The following ODAD2 variants were observed in gnomAD, a reference collection of about 807,000 sequenced individuals.
The protein encoded by ODAD2 is outer dynein arm-docking complex subunit 2.
Under a neutral mutation model 106.8 loss-of-function variants are expected in ODAD2, and 89 were observed. That is an observed-to-expected ratio of 0.83 (90% CI 0.70 to 0.99). The LOEUF (loss-of-function observed/expected upper bound fraction) is 0.99. Among genes scored for constraint, ODAD2 ranks in the 50% least tolerant of loss-of-function variants. ODAD2 has a pLI of 0.00. For missense variants in ODAD2, 1,168 were observed against 1,238.5 expected (o/e 0.94, Z 0.85); for synonymous variants, 404 against 436.2 (o/e 0.93, Z 0.92).
chr10:27,971,621 G>A (rs770383472), intron 7 of ODAD2, among the ~76,000 whole-genome samples: 50 of 152,040 alleles, frequency 3.3e-4, no homozygotes, highest in Non-Finnish European at 6.0e-4. Flanking sequence ...AAAACACATC[G>A]TATTTAAATG....
At chr10:27,938,788 C>A (rs567555226) in intron 14 of ODAD2, among the ~76,000 whole-genome samples, 2 of 151,418 alleles carry the variant, frequency 1.3e-5, no homozygotes, top group Non-Finnish European at 2.9e-5. Context: ...TTAGTAGAGA[C>A]GGGGTTGCAC....
At chr10:27,955,696 GGTGTGTGTGTGTGTGTGTGT>G (rs56731384) in intron 10 of ODAD2, among the ~76,000 whole-genome samples, 4 of 142,928 alleles carry the variant, frequency 2.8e-5, no homozygotes, top group Non-Finnish European at 3.0e-5. Context: ...AACCAATTAA[GGTGTGTGTGTGTGTGTGTGT>G]GTGTGTGTGT....
chr10:27,877,117 C>T (rs1297312735), intron 17 of ODAD2, among the ~76,000 whole-genome samples: 1 of 151,620 alleles, frequency 6.6e-6, no homozygotes, highest in East Asian at 1.9e-4. Context: ...TAGTTACAAA[C>T]ACTTAAAAGG....
chr10:27,911,539 C>T lies in ODAD2; in HGVS notation c.2496-3762G>A, dbSNP rs190820177. Reference sequence around the variant, plus strand: ...TAATAAATGCTGCAATAGATGTGAGCGTGGAGTTTCACATGAACACAGACA... The same window carrying T: ...TAATAAATGCTGCAATAGATGTGAGTGTGGAGTTTCACATGAACACAGACA... On this transcript the variant is annotated intron_variant, in intron 16 of 19. Transcript: ENST00000305242. Among the ~76,000 whole-genome samples, 22 of 152,250 alleles carry T rather than the reference C, an allele frequency of 1.4e-4. No homozygotes were observed. The East Asian group carries it at 1.7e-3, about 12-fold the overall frequency.
rs552776896 is a variant in ODAD2, at chr10:27,929,037, C to T, written c.2495+5973G>A. On this transcript the variant is annotated intron_variant, in intron 16 of 19. Coordinates refer to ENST00000305242, the MANE Select transcript of ODAD2 (RefSeq NM_018076.5). ...ATATGTTTAGCCATTATACACTATA[C>T]GTATGAACAAAATGGGATTGTACAA... 1.5e-4 allele frequency among the ~76,000 whole-genome samples: 23 copies of T among 152,142 alleles called. No individual in the cohort carries two copies. The South Asian group carries it at 4.4e-3, about 29-fold the overall frequency.
Position 27,944,103 on chromosome 10 carries a change from G to A in ODAD2, c.1743+119C>T. 3 of 820,952 alleles carry A rather than the reference G, an allele frequency of 3.7e-6. No homozygotes were observed. In the South Asian group the frequency reaches 5.2e-5, roughly 14 times the overall value. 50.9% of individuals were successfully genotyped at this position (820,952 alleles called of 1,614,324 possible). The stretch of plus-strand genomic sequence containing the variant: ...TTAAGGGCAAGCGATACAGACAGAA[G>A]GCTCCTGGAACACGCTCTCATGGCT... On this transcript the variant is annotated intron_variant, in intron 12 of 19. Coordinates refer to ENST00000305242, the MANE Select transcript of ODAD2 (RefSeq NM_018076.5).
rs142065311 is a variant in ODAD2 at position 27,937,778 on chromosome 10, C to G, written c.2098-898G>C. Among the ~76,000 whole-genome samples the G allele has an allele frequency of 3.2e-3, 480 of 152,246 alleles. 3 individuals are homozygous for G. The highest frequency in any genetic ancestry group is 6.6e-3 in the South Asian group (32 of 4,814). On this transcript the variant is annotated intron_variant, in intron 14 of 19. Transcript: ENST00000305242. The stretch of plus-strand genomic sequence containing the variant: ...GCACCTGCCATGTTTATCTTCTGCA[C>G]GTGATTTTCAATTCTGGATTACAGG...
chr10:27,995,403 A>G (rs146010295), intron 1 of ODAD2, among the ~76,000 whole-genome samples: 1 of 152,298 alleles, frequency 6.6e-6, no homozygotes, highest in Non-Finnish European at 1.5e-5. Context: ...TTTGCCCTGA[A>G]ATTAATAACT....
chr10:27,821,251 T>C (rs1309708379), intron 19 of ODAD2, among the ~76,000 whole-genome samples: 1 of 151,818 alleles, frequency 6.6e-6, no homozygotes, highest in African/African-American at 2.4e-5. Context: ...AAGACCCTCT[T>C]TGAGTTTTGC....
Position 27,960,558 on chromosome 10 carries a change from C to T in ODAD2, c.1386+1010G>A, listed in dbSNP as rs183237111. ...AGAGACAGGGTTTCACCATGTTGGC[C>T]AGGCTGGTCTTGAACTCCTGACCTC... is the stretch of plus-strand genomic sequence containing the variant. On this transcript the variant is annotated intron_variant, in intron 10 of 19. Transcript: ENST00000305242. Among the ~76,000 whole-genome samples, 635 of 151,950 alleles carry T rather than the reference C, an allele frequency of 4.2e-3. 13 individuals carry two copies. The highest frequency in any genetic ancestry group is 1.4e-3 in the Non-Finnish European group (96 of 67,968).
intron 19 of ODAD2, among the ~76,000 whole-genome samples, chr10:27,846,101 C>T (rs1407396613): frequency 2.6e-5 from 4 of 152,180 alleles, no homozygotes; most frequent in Admixed American, 6.5e-5. Flanking sequence ...ACTCTCCACC[C>T]CAAATCAACA....
intron 1 of ODAD2, among the ~76,000 whole-genome samples, chr10:27,998,623 A>T (rs1193291407): frequency 6.7e-6 from 1 of 149,684 alleles, no homozygotes; most frequent in East Asian, 2.0e-4. Flanking sequence ...GCGGGGAGGA[A>T]GGAGTGAGAT....
chr10:27,914,506 T>G (rs1186684732), intron 16 of ODAD2, among the ~76,000 whole-genome samples: 1 of 152,154 alleles, frequency 6.6e-6, no homozygotes, highest in African/African-American at 2.4e-5. Context: ...AATTTGTTAC[T>G]TGACATTATT....
chr10:27,959,058 C>A, intron 10 of ODAD2: 1 of 1,268,524 alleles, frequency 7.9e-7, no homozygotes, highest in Non-Finnish European at 1.0e-6. Context: ...ATGTCTTGGA[C>A]GGGCTTAGAG....
rs1846009769 is a variant in ODAD2, at chr10:27,936,792, T to C, written c.2186A>G (p.Lys729Arg). 4.3e-6 allele frequency: 7 copies of C among 1,614,058 alleles called. No homozygotes were observed. The highest frequency in any genetic ancestry group is 5.9e-6 in the Non-Finnish European group (7 of 1,179,946). The stretch of plus-strand genomic sequence containing the variant: ...CCCTGTGACAGCAGCTAACCGCTCT[T>C]TATTGTCAGTGTTATTGAGTAGACT... Reference protein sequence around the residue: ...LASLLNNTDNKERLAAVTGAI... With the variant: ...LASLLNNTDNRERLAAVTGAI... Residue 729 changes from lysine to arginine, a missense_variant, in exon 15 of 20, where the codon AAA (lysine) becomes AGA (arginine). Lys to Arg is a conservative substitution (Grantham distance 26). Around this residue, in one of 3 missense-constraint regions of ODAD2, gnomAD observed 701 missense variants for 712.3 expected, o/e 0.98. Transcript: ENST00000305242.
chr10:27,869,996 T>A (rs1011367024), intron 17 of ODAD2, among the ~76,000 whole-genome samples: 9 of 150,884 alleles, frequency 6.0e-5, no homozygotes, highest in Admixed American at 3.3e-4. Context: ...CAAAGTAAAA[T>A]ATATATATAT....
intron 19 of ODAD2, among the ~76,000 whole-genome samples, chr10:27,831,377 C>A (rs983830777): frequency 6.6e-6 from 1 of 152,134 alleles, no homozygotes; most frequent in African/African-American, 2.4e-5. Flanking sequence ...GGCTAGAGAA[C>A]CTTCAAGAAG....
intron 17 of ODAD2, among the ~76,000 whole-genome samples, 166 bp downstream of exon 17, chr10:27,907,497 A>T (rs890268138): frequency 2.8e-5 from 3 of 108,722 alleles, no homozygotes; most frequent in African/African-American, 1.0e-4. Flanking sequence ...AACTGACCAG[A>T]AAAAAAGCAA....
chr10:27,893,761 G>C (rs1042574780), intron 17 of ODAD2, among the ~76,000 whole-genome samples: 5 of 152,208 alleles, frequency 3.3e-5, no homozygotes, highest in Non-Finnish European at 7.3e-5. Context: ...TATTTGGTAT[G>C]ATCTCTTCTT....
Sources: gnomAD v4.1 joint callset for allele counts (sites outside exome capture counted in the v4.1 genomes callset) on GRCh38, gnomAD v4.1.1 for gene constraint, gnomAD v4.1.1 regional missense constraint, MANE v1.5 for transcripts, NCBI Gene and HGNC (gene_info 2026-07-23, HGNC 2026-07-21) for gene names.